MOB3B: variants seen among roughly 807,000 people sequenced by gnomAD.
MOB3B encodes the protein MOB kinase activator 3B.
In MOB3B, 7 loss-of-function variants were observed where a neutral mutation model predicts 18.7. The observed-to-expected ratio is 0.37, with a 90% CI of 0.21 to 0.70. The LOEUF is 0.70. Among genes scored for constraint, MOB3B ranks in the 30% least tolerant of loss-of-function variants. The pLI, the probability that MOB3B is intolerant of heterozygous loss-of-function variation, is 0.52. For synonymous variants in MOB3B, 111 were observed against 99.9 expected (o/e 1.11, Z -0.66); for missense variants, 253 against 281.3 (o/e 0.90, Z 0.72).
intron 1 of MOB3B, among the ~76,000 whole-genome samples, chr9:27,481,497 GT>G (rs749380961): frequency 7.3e-4 from 65 of 89,056 alleles, no homozygotes; most frequent in African/African-American, 2.5e-3. Flanking sequence ...AAGGAAGGTA[GT>G]TTTTTTTTTT....
chr9:27,417,125 A>G (rs1458380752), intron 2 of MOB3B, among the ~76,000 whole-genome samples: 3 of 152,170 alleles, frequency 2.0e-5, no homozygotes, highest in Non-Finnish European at 4.4e-5. Context: ...GCACTTTGGG[A>G]GGCCGAGGCA....
chr9:27,406,460 G>C (rs972032729), intron 2 of MOB3B, among the ~76,000 whole-genome samples: 1 of 152,186 alleles, frequency 6.6e-6, no homozygotes, highest in Non-Finnish European at 1.5e-5. Context: ...CAAAGCCAGA[G>C]GCATCACATT....
intron 1 of MOB3B, among the ~76,000 whole-genome samples, chr9:27,503,191 AAGG>A (rs1419564716): frequency 6.6e-6 from 1 of 152,176 alleles, no homozygotes; most frequent in Non-Finnish European, 1.5e-5. Context: ...CAGAAGAAAA[AAGG>A]AGGGAAAGGG....
intron 2 of MOB3B, among the ~76,000 whole-genome samples, chr9:27,395,159 G>A (rs998709680): frequency 3.3e-5 from 5 of 152,206 alleles, no homozygotes; most frequent in Non-Finnish European, 7.4e-5. Flanking sequence ...TCAAAAGACC[G>A]CTGAAGCGGG....
At position 27,488,530 on chromosome 9, in the gene MOB3B, C is replaced by T. The variant is rs1327194075; in HGVS notation, c.-198-32782G>A. On this transcript the variant is annotated intron_variant, in intron 1 of 3. Coordinates refer to ENST00000262244, the MANE Select transcript of MOB3B (RefSeq NM_024761.5). ...TCAAACAATTCTCCTGCCTCAGCCT[C>T]CTGAGTAGCTGGGATTACAGGCAAG... Among the ~76,000 whole-genome samples, 10 of 152,318 alleles carry T rather than the reference C, an allele frequency of 6.6e-5. No individual in the cohort carries two copies. The South Asian group carries it at 8.3e-4, about 13-fold the overall frequency.
intron 2 of MOB3B, among the ~76,000 whole-genome samples, chr9:27,452,081 T>C (rs1467249661): frequency 6.6e-6 from 1 of 152,110 alleles, no homozygotes; most frequent in Non-Finnish European, 1.5e-5. Flanking sequence ...GTGCAGGAAA[T>C]ATCCAGGAAT....
intron 2 of MOB3B, among the ~76,000 whole-genome samples, chr9:27,386,289 A>T (rs1462071676): frequency 6.6e-6 from 1 of 152,230 alleles, no homozygotes; most frequent in Non-Finnish European, 1.5e-5. Flanking sequence ...TTCATGGAAA[A>T]TGATAAGCAC....
At chr9:27,441,063 C>T (rs1243840263) in intron 2 of MOB3B, among the ~76,000 whole-genome samples, 1 of 152,100 alleles carries the variant, frequency 6.6e-6, no homozygotes, top group Non-Finnish European at 1.5e-5. Context: ...CTAACACCGC[C>T]ACTGACCTGA....
At chr9:27,461,447 C>T (rs1819286223) in intron 1 of MOB3B, among the ~76,000 whole-genome samples, 1 of 152,240 alleles carries the variant, frequency 6.6e-6, no homozygotes, top group South Asian at 2.1e-4. Context: ...GAATTCAACT[C>T]CTCAACTTTG....
At chr9:27,347,636 G>C (rs1241577988) in intron 3 of MOB3B, among the ~76,000 whole-genome samples, 2 of 152,176 alleles carry the variant, frequency 1.3e-5, no homozygotes, top group African/African-American at 4.8e-5. Context: ...ATAGGGTGGA[G>C]GTAAGCAAGT....
chr9:27,401,497 C>A (rs562291526), intron 2 of MOB3B, among the ~76,000 whole-genome samples: 1 of 152,314 alleles, frequency 6.6e-6, no homozygotes, highest in South Asian at 2.1e-4. Context: ...GCACCCTCAT[C>A]TGGGTCTGTG....
chr9:27,491,601 A>G (rs1276665495), intron 1 of MOB3B, among the ~76,000 whole-genome samples: 1 of 152,200 alleles, frequency 6.6e-6, no homozygotes, highest in Non-Finnish European at 1.5e-5. Flanking sequence ...GTGGTTGGGC[A>G]CGGTGGCTCA....
intron 2 of MOB3B, among the ~76,000 whole-genome samples, chr9:27,386,839 C>G (rs118125088): frequency 0.017 from 2,556 of 152,338 alleles, 32 homozygotes; most frequent in Middle Eastern, 0.034. Context: ...CAAGCACATT[C>G]CTCTCTGCAA....
chr9:27,522,480 C>A (rs1197515304), intron 1 of MOB3B, among the ~76,000 whole-genome samples: 1 of 148,034 alleles, frequency 6.8e-6, no homozygotes, highest in Non-Finnish European at 1.5e-5. Flanking sequence ...GTGGTATCAG[C>A]CTCTATATGC....
intron 1 of MOB3B, among the ~76,000 whole-genome samples, chr9:27,515,562 ATTAAAC>A (rs1224327796): frequency 6.6e-6 from 1 of 152,266 alleles, no homozygotes. Flanking sequence ...TAATTGTTAA[ATTAAAC>A]TTATTCTTTA....
intron 1 of MOB3B, among the ~76,000 whole-genome samples, chr9:27,491,624 C>G (rs552481560): frequency 6.6e-6 from 1 of 152,294 alleles, no homozygotes; most frequent in East Asian, 1.9e-4. Flanking sequence ...CCTGTAATCC[C>G]AGCACTTTGG....
intron 3 of MOB3B, among the ~76,000 whole-genome samples, chr9:27,338,404 C>G (rs79619023): frequency 0.023 from 3,540 of 152,184 alleles, 115 homozygotes; most frequent in African/African-American, 0.08. Flanking sequence ...ATCCCAGCAG[C>G]GCCCCAGAGC....
intron 2 of MOB3B, among the ~76,000 whole-genome samples, chr9:27,386,323 T>C (rs1197120797): frequency 6.6e-6 from 1 of 152,210 alleles, no homozygotes; most frequent in Admixed American, 6.5e-5. Flanking sequence ...ATTTCAGTAT[T>C]ATCATTATTA....
intron 1 of MOB3B, among the ~76,000 whole-genome samples, chr9:27,481,094 G>T (rs1819641763): frequency 6.6e-6 from 1 of 152,076 alleles, no homozygotes; most frequent in Non-Finnish European, 1.5e-5. Flanking sequence ...TAATTACTAG[G>T]CTAATCTCTG....
Sources: gnomAD v4.1 joint callset for allele counts (sites outside exome capture counted in the v4.1 genomes callset) on GRCh38, gnomAD v4.1.1 for gene constraint, MANE v1.5 for transcripts, NCBI Gene and HGNC (gene_info 2026-07-23, HGNC 2026-07-21) for gene names.